The following FHIT variants were observed in gnomAD, a reference collection of about 807,000 sequenced individuals.
FHIT encodes the protein bis(5'-adenosyl)-triphosphatase.
A neutral mutation model predicts 17.9 loss-of-function variants in FHIT; 19 were observed. The observed-to-expected ratio is 1.06, with a 90% CI of 0.74 to 1.56. The LOEUF is 1.56. Among genes scored for constraint, FHIT ranks in the 40% most tolerant of loss-of-function variants. FHIT has a pLI of 0.00. For missense variants in FHIT, 248 were observed against 189.2 expected, an observed-to-expected ratio of 1.31 and a Z score of -1.82; for synonymous variants, 81 against 69.7, an observed-to-expected ratio of 1.16 and a Z score of -0.81.
chr3:60,295,917 G>A lies in FHIT; in HGVS notation c.103+240943C>T, dbSNP rs184385617. Among the ~76,000 whole-genome samples the A allele has an allele frequency of 2.2e-4, 33 of 152,184 alleles. No individual in the cohort carries two copies. The East Asian group carries it at 6.2e-3, about 29-fold the overall frequency. ...GAATTGTAGCTCCCATGATTCCCAC[G>A]TGTTGTGGGAGGGACCAGGTGGGAG... On this transcript the variant is annotated intron_variant, in intron 5 of 9. Coordinates refer to ENST00000492590, the MANE Select transcript of FHIT (RefSeq NM_002012.4).
At chr3:60,520,826 G>C (rs1052654031) in intron 5 of FHIT, among the ~76,000 whole-genome samples, 2 of 151,958 alleles carry the variant, frequency 1.3e-5, no homozygotes, top group African/African-American at 4.8e-5. Context: ...AACCACTATG[G>C]CAAAGCAACT....
chr3:60,742,231 T>A (rs1229562384), intron 4 of FHIT, among the ~76,000 whole-genome samples: 1 of 152,170 alleles, frequency 6.6e-6, no homozygotes, highest in African/African-American at 2.4e-5. Context: ...ACAACGAATG[T>A]CCTTAAAAAG....
At chr3:61,207,598 TA>T (rs1354724494) in intron 1 of FHIT, among the ~76,000 whole-genome samples, 1 of 152,256 alleles carries the variant, frequency 6.6e-6, no homozygotes, top group Admixed American at 6.5e-5. Flanking sequence ...TTTTCTAGTT[TA>T]TTTGCATAGA....
chr3:61,048,536 T>C (rs1273591723), intron 2 of FHIT, among the ~76,000 whole-genome samples: 3 of 152,192 alleles, frequency 2.0e-5, no homozygotes, highest in Non-Finnish European at 2.9e-5. Flanking sequence ...GGTGGGACTG[T>C]AAACTAGTGC....
chr3:59,927,230 A>G (rs1705706778), intron 7 of FHIT, among the ~76,000 whole-genome samples: 1 of 152,180 alleles, frequency 6.6e-6, no homozygotes, highest in Non-Finnish European at 1.5e-5. Context: ...TGCCATTTAC[A>G]TGAAAAAGCC....
chr3:60,146,787 T>G (rs1195538273), intron 5 of FHIT, among the ~76,000 whole-genome samples: 2 of 152,154 alleles, frequency 1.3e-5, no homozygotes, highest in South Asian at 2.1e-4. Flanking sequence ...CATTTCTGGG[T>G]GTGTAAAGCA....
At chr3:60,260,352 T>A (rs200340265) in intron 5 of FHIT, among the ~76,000 whole-genome samples, 60 of 138,334 alleles carry the variant, frequency 4.3e-4, no homozygotes, top group African/African-American at 1.1e-3. Context: ...TGACTAAATT[T>A]AAAAAAAAAA....
At chr3:60,331,196 A>T (rs986000439) in intron 5 of FHIT, among the ~76,000 whole-genome samples, 11 of 152,260 alleles carry the variant, frequency 7.2e-5, no homozygotes, top group South Asian at 4.1e-4. Flanking sequence ...ATGTTCATCC[A>T]TTCTGCCTGG....
intron 5 of FHIT, among the ~76,000 whole-genome samples, chr3:60,398,006 G>T (rs1227056768): frequency 1.3e-5 from 2 of 152,146 alleles, no homozygotes; most frequent in South Asian, 2.1e-4. Context: ...TTCGGGTAGG[G>T]GAACCGCTCC....
chr3:60,743,305 A>G (rs1363661636), intron 4 of FHIT, among the ~76,000 whole-genome samples: 1 of 152,188 alleles, frequency 6.6e-6, no homozygotes, highest in Non-Finnish European at 1.5e-5. Flanking sequence ...TTATTGTTGT[A>G]CTTTATTGTC....
rs546776196 is a variant in FHIT at position 60,265,776 on chromosome 3, G to C, written c.104-251624C>G. Among the ~76,000 whole-genome samples, 13 of 151,808 alleles carry C rather than the reference G, an allele frequency of 8.6e-5. 2 individuals carry two copies. The South Asian group carries it at 2.3e-3, about 27-fold the overall frequency. On this transcript the variant is annotated intron_variant, in intron 5 of 9. Transcript: ENST00000492590. ...TTTAAATGGGTAAAGGTTTTAAATA[G>C]ACATTTCTCCAAACAAGATACTCAG...
intron 3 of FHIT, among the ~76,000 whole-genome samples, chr3:60,862,634 G>T (rs1553752926): frequency 6.6e-6 from 1 of 152,098 alleles, no homozygotes; most frequent in East Asian, 1.9e-4. Flanking sequence ...TGGGTCACTT[G>T]AGGTCAGAAG....
At chr3:61,211,822 G>T (rs1015734588) in intron 1 of FHIT, among the ~76,000 whole-genome samples, 4 of 152,154 alleles carry the variant, frequency 2.6e-5, no homozygotes, top group East Asian at 1.9e-4. Context: ...CCAGAGGAAC[G>T]ATCAGACAGC....
chr3:60,290,319 A>T (rs1311341276), intron 5 of FHIT, among the ~76,000 whole-genome samples: 1 of 152,144 alleles, frequency 6.6e-6, no homozygotes, highest in Non-Finnish European at 1.5e-5. Context: ...TCTCACTTTG[A>T]ATGTGGGCTG....
At chr3:61,052,788 A>G (rs967514384) in intron 2 of FHIT, among the ~76,000 whole-genome samples, 1 of 152,174 alleles carries the variant, frequency 6.6e-6, no homozygotes, top group Non-Finnish European at 1.5e-5. Flanking sequence ...CATTTATAAT[A>G]AGGTTCCAAG....
At chr3:59,969,722 C>T (rs1708091616) in intron 7 of FHIT, among the ~76,000 whole-genome samples, 1 of 152,008 alleles carries the variant, frequency 6.6e-6, no homozygotes, top group Non-Finnish European at 1.5e-5. Context: ...ATTCATGGTG[C>T]CTATAAGGTG....
chr3:60,032,909 A>G (rs993925453), intron 5 of FHIT, among the ~76,000 whole-genome samples: 1 of 152,202 alleles, frequency 6.6e-6, no homozygotes, highest in East Asian at 1.9e-4. Context: ...AGCCCACCTT[A>G]GAGCTAACTT....
At chr3:60,873,700 G>A (rs1553755610) in intron 3 of FHIT, among the ~76,000 whole-genome samples, 2 of 152,182 alleles carry the variant, frequency 1.3e-5, no homozygotes, top group East Asian at 1.9e-4. Flanking sequence ...GCTGATAGCT[G>A]TAAAGTCCTT....
intron 5 of FHIT, among the ~76,000 whole-genome samples, chr3:60,293,323 A>G (rs563271721): frequency 3.8e-4 from 58 of 152,280 alleles, no homozygotes; most frequent in African/African-American, 1.3e-3. Flanking sequence ...ACTTTTCCCA[A>G]AAATCTCAAG....
Sources: allele counts gnomAD v4.1 joint callset (sites outside exome capture counted in the v4.1 genomes callset), GRCh38; gene constraint gnomAD v4.1.1; transcripts MANE v1.5; gene names NCBI Gene and HGNC (gene_info 2026-07-23, HGNC 2026-07-21).